ENTREP2: variants seen among roughly 807,000 people sequenced by gnomAD.
ENTREP2 encodes endosomal transmembrane epsin interactor 2.
At chr15:29,219,618 T>C in the ENTREP2 span, among the ~76,000 whole-genome samples, 5 of 12,404 alleles carry the variant, frequency 4.0e-4, no homozygotes, top group African/African-American at 1.2e-3. Flanking sequence ...TGCATAAATA[T>C]ATATATATAT....
chr15:29,245,257 A>G, the ENTREP2 span, among the ~76,000 whole-genome samples: 2 of 152,236 alleles, frequency 1.3e-5, no homozygotes, highest in Admixed American at 6.5e-5. Flanking sequence ...TGAAACATGG[A>G]AAGTTCATAT....
chr15:29,234,050 T>C, the ENTREP2 span: 3 of 1,459,942 alleles, frequency 2.1e-6, no homozygotes, highest in African/African-American at 1.4e-5. Context: ...TCATCCTCTA[T>C]TGCTTTGTGC....
At chr15:29,642,546 T>C in the ENTREP2 span, among the ~76,000 whole-genome samples, 1 of 147,660 alleles carries the variant, frequency 6.8e-6, no homozygotes, top group Non-Finnish European at 1.5e-5. Context: ...CATATGTACA[T>C]ATATACACAT....
the ENTREP2 span, among the ~76,000 whole-genome samples, chr15:29,162,789 C>T: frequency 1.3e-5 from 2 of 151,804 alleles, no homozygotes; most frequent in Non-Finnish European, 2.9e-5. Context: ...CACAGCCAGT[C>T]CCTCTCAAAC....
the ENTREP2 span, among the ~76,000 whole-genome samples, chr15:29,422,034 G>A: frequency 2.0e-5 from 3 of 152,198 alleles, no homozygotes; most frequent in Non-Finnish European, 2.9e-5. Context: ...TTGGGAGGCC[G>A]AAGCAGGTGG....
chr15:29,557,546 A>G, the ENTREP2 span, among the ~76,000 whole-genome samples: 1 of 152,158 alleles, frequency 6.6e-6, no homozygotes, highest in Admixed American at 6.5e-5. Context: ...TGCTGGAACC[A>G]AGAAGCTAGT....
At chr15:29,554,172 G>A in the ENTREP2 span, among the ~76,000 whole-genome samples, 6 of 152,076 alleles carry the variant, frequency 3.9e-5, no homozygotes, top group South Asian at 2.1e-4. Flanking sequence ...AGTTAGCTGC[G>A]TGTGGTGGCG....
the ENTREP2 span, among the ~76,000 whole-genome samples, chr15:29,300,398 AATGGATGGATGGATGG>A: frequency 9.3e-5 from 12 of 128,964 alleles, no homozygotes; most frequent in East Asian, 2.0e-3. Flanking sequence ...TAGATGGATA[AATGGATGGATGGATGG>A]ATGGATGGAT....
the ENTREP2 span, among the ~76,000 whole-genome samples, chr15:29,455,424 C>CA: frequency 6.6e-6 from 1 of 152,196 alleles, no homozygotes; most frequent in Non-Finnish European, 1.5e-5. Context: ...GCATTTGATA[C>CA]CTAATACAGC....
chr15:29,512,525 T>C, the ENTREP2 span, among the ~76,000 whole-genome samples: 1 of 152,236 alleles, frequency 6.6e-6, no homozygotes, highest in African/African-American at 2.4e-5. Flanking sequence ...TATTAGGAGA[T>C]GGGGAGGTGA....
At chr15:29,625,528 T>C in the ENTREP2 span, among the ~76,000 whole-genome samples, 1 of 152,012 alleles carries the variant, frequency 6.6e-6, no homozygotes, top group African/African-American at 2.4e-5. Flanking sequence ...CCCGAGTAGC[T>C]AAGACTACAT....
chr15:29,223,437 T>C, the ENTREP2 span, among the ~76,000 whole-genome samples: 1 of 152,162 alleles, frequency 6.6e-6, no homozygotes, highest in Non-Finnish European at 1.5e-5. Flanking sequence ...GGGACACCTC[T>C]TCTGCTGTCA....
chr15:29,299,251 C>T, the ENTREP2 span, among the ~76,000 whole-genome samples: 3 of 152,222 alleles, frequency 2.0e-5, no homozygotes, highest in Non-Finnish European at 4.4e-5. Flanking sequence ...CTCCTTCGGC[C>T]TCAGCAGCTG....
At chr15:29,649,724 C>CA in the ENTREP2 span, among the ~76,000 whole-genome samples, 2 of 24,704 alleles carry the variant, frequency 8.1e-5, no homozygotes, top group Non-Finnish European at 8.5e-5. Context: ...ATCTCAACAA[C>CA]AACAAAAAAA....
At chr15:29,441,022 A>G in the ENTREP2 span, among the ~76,000 whole-genome samples, 1 of 152,218 alleles carries the variant, frequency 6.6e-6, no homozygotes, top group Non-Finnish European at 1.5e-5. Flanking sequence ...CCCCATGTTC[A>G]CGGCAGCATT....
At chr15:29,279,909 T>C in the ENTREP2 span, among the ~76,000 whole-genome samples, 138 of 152,224 alleles carry the variant, frequency 9.1e-4, 1 homozygote, top group African/African-American at 3.2e-3. Flanking sequence ...GGCAACCCAA[T>C]TTCTTATCTA....
At chr15:29,501,163 C>G in the ENTREP2 span, among the ~76,000 whole-genome samples, 4 of 152,140 alleles carry the variant, frequency 2.6e-5, no homozygotes, top group African/African-American at 9.6e-5. Flanking sequence ...CAAACTCTTA[C>G]AAAGAGTAGA....
At chr15:29,489,197 G>A in the ENTREP2 span, among the ~76,000 whole-genome samples, 1 of 152,340 alleles carries the variant, frequency 6.6e-6, no homozygotes, top group East Asian at 1.9e-4. Context: ...ATCACAGGCA[G>A]TAGCAGAAGC....
the ENTREP2 span, among the ~76,000 whole-genome samples, chr15:29,323,586 A>G: frequency 2.0e-5 from 3 of 152,076 alleles, no homozygotes; most frequent in African/African-American, 7.2e-5. Context: ...GGCTGTGGGA[A>G]CCCCAAATGA....
Sources: allele counts gnomAD v4.1 joint callset (sites outside exome capture counted in the v4.1 genomes callset), GRCh38; gene constraint gnomAD v4.1.1; transcripts MANE v1.5; gene names NCBI Gene and HGNC (gene_info 2026-07-23, HGNC 2026-07-21).